The following NBEA variants were observed in gnomAD, a reference collection of about 807,000 sequenced individuals.
NBEA encodes the protein neurobeachin, also known as lysosomal-trafficking regulator 2.
NBEA carries 44 observed loss-of-function variants against 343.4 expected under a neutral mutation model. The observed-to-expected ratio is 0.13, with a 90% CI of 0.10 to 0.16. The LOEUF (loss-of-function observed/expected upper bound fraction) is 0.16, where lower values mean the gene tolerates loss of function less well. Ranked by LOEUF, NBEA falls within the 10% of genes least tolerant of loss-of-function variation. The pLI is 1.00. For missense variants in NBEA, 2,555 were observed against 3,631.3 expected, an observed-to-expected ratio of 0.70 and a Z score of 7.62; for synonymous variants, 1,175 against 1,238.7, an observed-to-expected ratio of 0.95 and a Z score of 1.08.
At chr13:35,553,624 A>T (rs1342671757) in intron 43 of NBEA, among the ~76,000 whole-genome samples, 3 of 152,126 alleles carry the variant, frequency 2.0e-5, no homozygotes, top group African/African-American at 4.8e-5. Flanking sequence ...TTTGCAAGAG[A>T]TATTTTGATA....
intron 41 of NBEA, among the ~76,000 whole-genome samples, chr13:35,495,213 G>C (rs80258359): frequency 0.049 from 7,372 of 151,874 alleles, 433 homozygotes; most frequent in East Asian, 0.2. Context: ...AAAAGACCTA[G>C]AGATGGCTAC....
chr13:34,961,777 TA>T (rs2059669815), intron 1 of NBEA, among the ~76,000 whole-genome samples: 1 of 151,946 alleles, frequency 6.6e-6, no homozygotes, highest in African/African-American at 2.4e-5. Flanking sequence ...TAAGTCAAGG[TA>T]AGTCTTTATA....
At chr13:35,631,669 A>G (rs935123824) in intron 49 of NBEA, among the ~76,000 whole-genome samples, 7 of 148,370 alleles carry the variant, frequency 4.7e-5, no homozygotes, top group Non-Finnish European at 1.0e-4. Context: ...AAATTCTACT[A>G]CTTGCCTATA....
chr13:35,128,602 A>C (rs1308062462), intron 17 of NBEA, among the ~76,000 whole-genome samples: 1 of 152,128 alleles, frequency 6.6e-6, no homozygotes, highest in African/African-American at 2.4e-5. Context: ...GTAAGTTTAA[A>C]GGGTGCTCTG....
Position 35,182,409 on chromosome 13 carries a change from T to C in NBEA, c.4712T>C (p.Ile1571Thr). ...TTAGCTCTGGCTGTTGTTTACTTCA[T>C]TTCGGTTCTGATGGTTTCCAAGTAT... ...QFLALAVVYF[I>T]SVLMVSKYRD... is the part of the protein sequence containing the mutation. The change falls in exon 29 of 59, where the codon ATT (isoleucine) becomes ACT (threonine). Residue 1571 changes from isoleucine to threonine, a missense_variant. By Grantham distance (89) the Ile-to-Thr change is moderately conservative. This residue lies in a region of NBEA where 3 missense variants were observed against 25.7 expected (regional missense o/e 0.12). Transcript: ENST00000379939. The C allele has an allele frequency of 6.8e-6, 11 of 1,610,924 alleles. No individual in the cohort carries two copies. The highest frequency in any genetic ancestry group is 9.3e-6 in the Non-Finnish European group (11 of 1,177,902).
chr13:35,054,737 A>G (rs1279897775), intron 6 of NBEA, among the ~76,000 whole-genome samples: 1 of 143,838 alleles, frequency 7.0e-6, no homozygotes, highest in Non-Finnish European at 1.5e-5. Context: ...TCTGCCTCCC[A>G]GGTTCAAGTG....
intron 38 of NBEA, among the ~76,000 whole-genome samples, chr13:35,426,129 A>C (rs966335283): frequency 2.0e-5 from 3 of 152,058 alleles, no homozygotes; most frequent in Admixed American, 6.6e-5. Context: ...TTTTAATTGG[A>C]GCATTTAGCC....
At chr13:34,959,906 C>G (rs2059606778) in intron 1 of NBEA, among the ~76,000 whole-genome samples, 1 of 152,078 alleles carries the variant, frequency 6.6e-6, no homozygotes, top group Admixed American at 6.6e-5. Flanking sequence ...ATGTACAGTA[C>G]ATAATACTTG....
intron 1 of NBEA, among the ~76,000 whole-genome samples, chr13:35,011,868 A>G (rs529505505): frequency 1.3e-5 from 2 of 152,154 alleles, no homozygotes; most frequent in African/African-American, 4.8e-5. Context: ...ACTATCCAAA[A>G]CATTCTTTGT....
intron 46 of NBEA, among the ~76,000 whole-genome samples, chr13:35,591,652 G>T (rs1392560601): frequency 6.6e-6 from 1 of 151,898 alleles, no homozygotes; most frequent in Non-Finnish European, 1.5e-5. Flanking sequence ...TTACAAAATT[G>T]ATGACATCTG....
chr13:35,451,993 G>A lies in NBEA; in HGVS notation c.6305-99G>A, dbSNP rs1229360993. The A allele has an allele frequency of 9.5e-6, 8 of 840,276 alleles. No homozygotes were observed. The Admixed American group carries it at 2.0e-4, about 21-fold the overall frequency. The allele number at this position is 840,276 out of a possible 1,614,324, so 52.1% of individuals were successfully genotyped here. ...TGTAATTGTAAAGTAATATGTAAAT[G>A]CAGCATATAATTTAATAAAGCAATC... On this transcript the variant is annotated intron_variant, in intron 39 of 58. Transcript: ENST00000379939.
At chr13:35,402,409 G>A (rs188062171) in intron 38 of NBEA, among the ~76,000 whole-genome samples, 2 of 152,082 alleles carry the variant, frequency 1.3e-5, no homozygotes, top group Admixed American at 6.6e-5. Flanking sequence ...ATGAAAGATT[G>A]CCATATGGAT....
rs189010579 is a variant in NBEA at position 35,052,603 on chromosome 13, T to C, written c.972+2208T>C. ...TATACATAATATCACTATGCACACA[T>C]AGTTTCCAAGTTTATTTTTATTTTC... On this transcript the variant is annotated intron_variant, in intron 6 of 58. Transcript: ENST00000379939. Among the ~76,000 whole-genome samples, 30 of 151,970 alleles carry C rather than the reference T, an allele frequency of 2.0e-4. No individual in the cohort carries two copies. In the East Asian group the frequency reaches 4.8e-3, roughly 24 times the overall value.
At chr13:34,984,221 A>G (rs1472263728) in intron 1 of NBEA, among the ~76,000 whole-genome samples, 1 of 152,188 alleles carries the variant, frequency 6.6e-6, no homozygotes, top group Non-Finnish European at 1.5e-5. Context: ...TATAAGGTGT[A>G]AGGAAGGGAT....
At chr13:35,029,891 C>T (rs1440074673) in intron 1 of NBEA, among the ~76,000 whole-genome samples, 1 of 151,616 alleles carries the variant, frequency 6.6e-6, no homozygotes, top group East Asian at 1.9e-4. Flanking sequence ...TACACAAATT[C>T]ACTTAAGACT....
In NBEA at chr13:35,380,300, C is replaced by G. The variant is rs1278566156; in HGVS notation, c.6179+27977C>G. ...TCCCTACTACAAATACAAAAATTAG[C>G]CTGGTGTGATGGTGGGCATCTGTGA... On this transcript the variant is annotated intron_variant, in intron 38 of 58. Coordinates refer to ENST00000379939, the MANE Select transcript of NBEA (RefSeq NM_001385012.1). 3.9e-5 allele frequency among the ~76,000 whole-genome samples: 6 copies of G among 152,004 alleles called. No individual in the cohort carries two copies. In the Middle Eastern group the frequency reaches 0.01, roughly 259 times the overall value.
chr13:35,258,221 G>A (rs2032840913), intron 34 of NBEA, among the ~76,000 whole-genome samples: 1 of 150,238 alleles, frequency 6.7e-6, no homozygotes. Flanking sequence ...AGGCTGGAGT[G>A]CAGTGGCGCG....
chr13:35,558,755 T>C (rs957063037), intron 44 of NBEA, among the ~76,000 whole-genome samples: 4 of 152,162 alleles, frequency 2.6e-5, no homozygotes, highest in African/African-American at 9.7e-5. Flanking sequence ...CACAATTGCA[T>C]TAGCCATTTA....
At chr13:35,156,026 T>C in intron 19 of NBEA, 57 bp from the exon 20 acceptor site, 3 of 1,527,532 alleles carry the variant, frequency 2.0e-6, no homozygotes, top group East Asian at 4.6e-5. Flanking sequence ...GTAATACTTT[T>C]TGAGTTGAAC....
Sources: allele counts gnomAD v4.1 joint callset (sites outside exome capture counted in the v4.1 genomes callset), GRCh38; gene constraint gnomAD v4.1.1; regional missense constraint gnomAD v4.1.1; transcripts MANE v1.5; gene names NCBI Gene and HGNC (gene_info 2026-07-23, HGNC 2026-07-21).